Variants in SAMSN1 observed in about 807,000 individuals in gnomAD.
SAMSN1 encodes the protein SAM domain-containing protein SAMSN-1.
Under a neutral mutation model 42.0 loss-of-function variants are expected in SAMSN1, and 31 were observed. That is an observed-to-expected ratio of 0.74 (90% CI 0.55 to 1.00). The LOEUF (loss-of-function observed/expected upper bound fraction) is 1.00, where lower values mean the gene tolerates loss of function less well. SAMSN1 is among the 50% of genes least tolerant of loss of function. The pLI is 0.00. For missense variants in SAMSN1, 464 were observed against 439.4 expected, an observed-to-expected ratio of 1.06 and a Z score of -0.50; for synonymous variants, 178 against 151.9, an observed-to-expected ratio of 1.17 and a Z score of -1.26.
upstream of SAMSN1, among the ~76,000 whole-genome samples, chr21:14,586,605 A>G (rs1981926362): frequency 2.0e-5 from 3 of 152,198 alleles, no homozygotes; most frequent in African/African-American, 7.2e-5. Flanking sequence ...CGATAAACAT[A>G]TAAACAAGTA....
rs928728607 is a variant in SAMSN1 at position 14,485,922 on chromosome 21, G to C, written c.1112C>G (p.Pro371Arg). 3 of 1,612,970 alleles carry C rather than the reference G, an allele frequency of 1.9e-6. No individual in the cohort carries two copies. The highest frequency in any genetic ancestry group is 4.5e-5 in the East Asian group (2 of 44,854). ...GTTGGGAATGCGTGTTCAGTCACTT[G>C]GCTCTGTGATAATAATCTTATGTAC... Reference protein sequence around the residue: ...DMVHKIIITEPSD With the variant: ...DMVHKIIITERSD The change falls in exon 8 of 8, where the codon CCA becomes CGA. Residue 371 changes from proline (P) to arginine (R), a missense_variant. Physicochemically the swap from Pro to Arg is moderately radical, Grantham distance 103. Transcript: ENST00000400566.
At chr21:14,592,102 T>G (rs1982102670) in intron 7 of SAMSN1, 1 of 152,172 alleles carries the variant, frequency 6.6e-6, no homozygotes, top group South Asian at 2.1e-4. Context: ...ATGGGGGTTG[T>G]GTTGATTTAA....
chr21:14,503,233 CT>C (rs1987251124), intron 5 of SAMSN1, among the ~76,000 whole-genome samples: 1 of 151,868 alleles, frequency 6.6e-6, no homozygotes. Flanking sequence ...GGTAGGATCC[CT>C]TAAAAAAAAA....
At chr21:14,552,901 T>A (rs1444417467) in intron 2 of SAMSN1, among the ~76,000 whole-genome samples, 2 of 152,228 alleles carry the variant, frequency 1.3e-5, no homozygotes, top group Non-Finnish European at 2.9e-5. Context: ...AATATTGTTC[T>A]TTTCTATATT....
At chr21:14,490,774 C>A (rs556920499) in intron 7 of SAMSN1, among the ~76,000 whole-genome samples, 1 of 152,286 alleles carries the variant, frequency 6.6e-6, no homozygotes, top group African/African-American at 2.4e-5. Flanking sequence ...AAATGACTTC[C>A]CCTCCTCTTG....
intron 2 of SAMSN1, among the ~76,000 whole-genome samples, chr21:14,638,410 C>T (rs934867686): frequency 1.3e-5 from 2 of 152,106 alleles, no homozygotes; most frequent in African/African-American, 2.4e-5. Context: ...TACTCAATTG[C>T]CACCTGTGGT....
At chr21:14,501,684 T>C (rs1600866001) in intron 5 of SAMSN1, among the ~76,000 whole-genome samples, 1 of 152,154 alleles carries the variant, frequency 6.6e-6, no homozygotes, top group African/African-American at 2.4e-5. Context: ...ATAAAGAAAT[T>C]TTGCAGAATT....
intron 2 of SAMSN1, among the ~76,000 whole-genome samples, chr21:14,566,563 G>T (rs1981126882): frequency 6.6e-6 from 1 of 151,432 alleles, no homozygotes; most frequent in South Asian, 2.1e-4. Context: ...TTTGAGACAG[G>T]GTCTCACTTT....
At chr21:14,655,180 G>T (rs1983896565) in intron 1 of SAMSN1, among the ~76,000 whole-genome samples, 1 of 151,678 alleles carries the variant, frequency 6.6e-6, no homozygotes, top group South Asian at 2.1e-4. Context: ...AATAATCACA[G>T]AAATTTATAT....
chr21:14,541,052 GTTCT>G (rs1979989046), intron 1 of SAMSN1, among the ~76,000 whole-genome samples: 1 of 147,866 alleles, frequency 6.8e-6, no homozygotes, highest in South Asian at 2.2e-4. Context: ...AACACCGCAT[GTTCT>G]CACTCATCAG....
chr21:14,500,696 C>T lies in SAMSN1; in HGVS notation c.601G>A (p.Gly201Arg). Reference protein sequence around the residue: ...IIDIICKTPMGMWTGMLNNKV... With the variant: ...IIDIICKTPMRMWTGMLNNKV... ...TTGTTCAACATTCCTGTCCACATCC[C>T]CATTGGTGTTTTGCAAATAATGTCT... Residue 201 changes from glycine to arginine, a missense_variant, in exon 6 of 8, where the codon GGG (glycine) becomes AGG (arginine). Gly to Arg is a moderately radical substitution (Grantham distance 125). Transcript: ENST00000400566. The T allele has an allele frequency of 6.2e-7, 1 of 1,614,056 alleles. No individual in the cohort carries two copies. The highest frequency in any genetic ancestry group is 8.5e-7 in the Non-Finnish European group (1 of 1,179,968).
intron 7 of SAMSN1, among the ~76,000 whole-genome samples, chr21:14,491,128 C>A (rs1225267871): frequency 6.6e-6 from 1 of 152,188 alleles, no homozygotes; most frequent in Non-Finnish European, 1.5e-5. Flanking sequence ...GTTCATATTT[C>A]TTATAGGTTA....
chr21:14,623,235 C>T (rs1432063863), intron 2 of SAMSN1, among the ~76,000 whole-genome samples: 1 of 152,184 alleles, frequency 6.6e-6, no homozygotes. Context: ...AAACAGCTAA[C>T]ATCATAATGG....
intron 7 of SAMSN1, among the ~76,000 whole-genome samples, chr21:14,590,719 G>C (rs1338162082): frequency 6.6e-6 from 1 of 152,174 alleles, no homozygotes; most frequent in Non-Finnish European, 1.5e-5. Flanking sequence ...AAGGTGCTTA[G>C]AGACAGGAAG....
At chr21:14,530,010 C>A (rs1007007665) in intron 1 of SAMSN1, among the ~76,000 whole-genome samples, 4 of 152,040 alleles carry the variant, frequency 2.6e-5, no homozygotes, top group African/African-American at 9.7e-5. Flanking sequence ...AAACAAGAGG[C>A]TCTTTAGAAA....
chr21:14,642,389 T>C (rs143697629), intron 2 of SAMSN1, among the ~76,000 whole-genome samples: 36 of 152,354 alleles, frequency 2.4e-4, no homozygotes, highest in African/African-American at 7.7e-4. Context: ...ATGGTGTGTA[T>C]CCATAAATTC....
At chr21:14,627,094 A>C (rs1476994729) in intron 2 of SAMSN1, among the ~76,000 whole-genome samples, 1 of 152,118 alleles carries the variant, frequency 6.6e-6, no homozygotes, top group South Asian at 2.1e-4. Flanking sequence ...ACATGGACAC[A>C]GGGTGAGGAA....
At chr21:14,538,643 G>A (rs1228406523) in intron 1 of SAMSN1, among the ~76,000 whole-genome samples, 1 of 152,086 alleles carries the variant, frequency 6.6e-6, no homozygotes, top group African/African-American at 2.4e-5. Context: ...GCTCTTTAAT[G>A]GTACAACTAT....
intron 1 of SAMSN1, among the ~76,000 whole-genome samples, chr21:14,532,263 T>C (rs150516460): frequency 6.6e-6 from 1 of 152,282 alleles, no homozygotes; most frequent in East Asian, 1.9e-4. Flanking sequence ...AGTGCTGCAG[T>C]TAATATCATA....
Sources: allele counts gnomAD v4.1 joint callset (sites outside exome capture counted in the v4.1 genomes callset), GRCh38; gene constraint gnomAD v4.1.1; transcripts MANE v1.5; gene names NCBI Gene and HGNC (gene_info 2026-07-23, HGNC 2026-07-21).